Variants in CHKA observed in about 807,000 individuals in gnomAD.
The protein encoded by CHKA is choline kinase alpha, also known as CHETK-alpha.
A neutral mutation model predicts 60.1 loss-of-function variants in CHKA; 34 were observed. The ratio of observed to expected loss-of-function variants is 0.57; its 90% CI spans 0.43 to 0.75. The LOEUF (loss-of-function observed/expected upper bound fraction) is 0.75. Ranked by LOEUF, CHKA falls within the 30% of genes least tolerant of loss-of-function variation. The pLI, the probability that CHKA is intolerant of heterozygous loss-of-function variation, is 0.00. For missense variants in CHKA, 563 were observed against 561.3 expected (o/e 1.00, Z -0.03); for synonymous variants, 217 against 223.1 (o/e 0.97, Z 0.24).
chr11:68,077,064 C>T (rs148819360), intron 3 of CHKA, among the ~76,000 whole-genome samples: 1 of 152,150 alleles, frequency 6.6e-6, no homozygotes, highest in African/African-American at 2.4e-5. Flanking sequence ...AGGGTGAAAC[C>T]CTGTCTCTAC....
intron 1 of CHKA, among the ~76,000 whole-genome samples, chr11:68,097,356 C>T (rs576654576): frequency 2.6e-5 from 4 of 152,120 alleles, no homozygotes; most frequent in African/African-American, 7.2e-5. Context: ...CCGTGTGGGC[C>T]GGGCACGGTG....
At chr11:68,106,232 A>G (rs940474930) in intron 1 of CHKA, among the ~76,000 whole-genome samples, 2 of 152,190 alleles carry the variant, frequency 1.3e-5, no homozygotes, top group African/African-American at 2.4e-5. Flanking sequence ...GAAAACAAGA[A>G]AAGCCAGGAG....
intron 2 of CHKA, among the ~76,000 whole-genome samples, chr11:68,087,010 C>T (rs909294776): frequency 8.6e-5 from 13 of 151,728 alleles, no homozygotes; most frequent in Non-Finnish European, 1.8e-4. Context: ...TCATTTAAAA[C>T]ATCTTTAACA....
intron 10 of CHKA, among the ~76,000 whole-genome samples, chr11:68,063,430 C>A (rs1034259284): frequency 1.6e-4 from 24 of 151,604 alleles, no homozygotes; most frequent in African/African-American, 5.6e-4. Flanking sequence ...GAGTTAGAGG[C>A]TGCAGTGAGC....
chr11:68,105,772 T>C (rs989219560), intron 1 of CHKA, among the ~76,000 whole-genome samples: 8 of 152,214 alleles, frequency 5.3e-5, no homozygotes, highest in South Asian at 4.1e-4. Flanking sequence ...CCTAACCAAC[T>C]ATATTTTGCT....
rs1184278897 is a variant in CHKA, at chr11:68,086,935, G to A, written c.463-5478C>T. ...CGGGAGGCGGAGCTTGCAGTGAGCA[G>A]AGATCGTGCCACTTCACTCCAGCCT... On this transcript the variant is annotated intron_variant, in intron 2 of 11. Transcript: ENST00000265689. 5.3e-5 allele frequency among the ~76,000 whole-genome samples: 8 copies of A among 152,112 alleles called. No homozygotes were observed. The East Asian group carries it at 1.5e-3, about 29-fold the overall frequency.
chr11:68,117,093 C>T (rs914132663), intron 1 of CHKA, among the ~76,000 whole-genome samples: 6 of 152,042 alleles, frequency 3.9e-5, no homozygotes, highest in Admixed American at 1.3e-4. Context: ...CACACACAAA[C>T]GTGTTAAGGG....
chr11:68,061,095 GTTTTTTTTTTTTTTT>G (rs757176198), intron 11 of CHKA, among the ~76,000 whole-genome samples: 4 of 70,840 alleles, frequency 5.6e-5, no homozygotes, highest in East Asian at 4.2e-4. Flanking sequence ...GTCAGTGACA[GTTTTTTTTTTTTTTT>G]TTTTTTTTTT....
At chr11:68,089,764 A>G (rs1347871294) in intron 2 of CHKA, 1 of 152,210 alleles carries the variant, frequency 6.6e-6, no homozygotes, top group Non-Finnish European at 1.5e-5. Context: ...CCAAGAACTA[A>G]AAGAAAGAAA....
At chr11:68,117,751 T>C (rs1858446641) in intron 1 of CHKA, among the ~76,000 whole-genome samples, 1 of 152,172 alleles carries the variant, frequency 6.6e-6, no homozygotes, top group Admixed American at 6.6e-5. Context: ...CAAGTTTGGA[T>C]TTTATTTTCC....
chr11:68,073,416 G>A (rs1856686417), intron 4 of CHKA, among the ~76,000 whole-genome samples: 1 of 152,132 alleles, frequency 6.6e-6, no homozygotes, highest in Non-Finnish European at 1.5e-5. Context: ...CACTTTGGGA[G>A]GCCAAGGCGG....
chr11:68,066,493 G>A lies in CHKA; in HGVS notation c.952C>T (p.Arg318Ter). ...QEGNILLLEG[R>*]ENSEKQKLML... ...AGTTTCTGTTTTTCAGAATTCTCTC[G>A]GCCTTCCAGCAACAAGATATTACCT... The change falls in exon 8 of 12, where the codon CGA becomes TGA. Residue 318 changes from arginine (R) to a stop codon, truncating the protein, a stop_gained. Coordinates refer to ENST00000265689, the MANE Select transcript of CHKA (RefSeq NM_001277.3). LOFTEE classifies it high-confidence loss of function. 3 of 1,613,912 alleles carry A rather than the reference G, an allele frequency of 1.9e-6. No homozygotes were observed. Among genetic ancestry groups the A allele is most frequent in the Non-Finnish European group, 2.5e-6 (3 of 1,179,914 alleles).
At chr11:68,106,905 C>T (rs370391523) in intron 1 of CHKA, among the ~76,000 whole-genome samples, 18 of 152,262 alleles carry the variant, frequency 1.2e-4, no homozygotes, top group Middle Eastern at 3.4e-3. Flanking sequence ...TTAGCAGCAA[C>T]ACTGCCCTCT....
intron 6 of CHKA, 30 bp downstream of exon 6, chr11:68,070,155 ATATT>A: frequency 6.9e-7 from 1 of 1,456,166 alleles, no homozygotes; most frequent in Non-Finnish European, 9.6e-7. Flanking sequence ...GTGACTAAGA[ATATT>A]TAAAGTCAGG....
chr11:68,055,926 T>C, intron 11 of CHKA, among the ~76,000 whole-genome samples: 1 of 151,228 alleles, frequency 6.6e-6, no homozygotes, highest in Admixed American at 6.6e-5. Flanking sequence ...TGGGCTCCTG[T>C]AATCCCAGCT....
At chr11:68,102,805 G>C (rs1857775216) in intron 1 of CHKA, among the ~76,000 whole-genome samples, 2 of 152,128 alleles carry the variant, frequency 1.3e-5, no homozygotes, top group African/African-American at 4.8e-5. Flanking sequence ...CATCAGTTAA[G>C]GGGATAATAT....
intron 4 of CHKA, among the ~76,000 whole-genome samples, chr11:68,072,550 TAAAAAAAA>T (rs10708078): frequency 3.5e-5 from 4 of 112,738 alleles, no homozygotes; most frequent in South Asian, 3.0e-4. Flanking sequence ...GACCCTATCT[TAAAAAAAA>T]AAAAAAAAAA....
At chr11:68,063,022 T>G (rs1364679764) in intron 10 of CHKA, among the ~76,000 whole-genome samples, 2 of 152,176 alleles carry the variant, frequency 1.3e-5, no homozygotes, top group Non-Finnish European at 2.9e-5. Context: ...ACTAAAGAGA[T>G]GGACAAATAG....
chr11:68,095,868 CCT>C (rs1857496268), intron 2 of CHKA, among the ~76,000 whole-genome samples: 1 of 150,706 alleles, frequency 6.6e-6, no homozygotes, highest in Non-Finnish European at 1.5e-5. Flanking sequence ...ATGGTGAAAC[CCT>C]GTCTCTACTA....
Sources: gnomAD v4.1 joint callset for allele counts (sites outside exome capture counted in the v4.1 genomes callset) on GRCh38, gnomAD v4.1.1 for gene constraint, MANE v1.5 for transcripts, NCBI Gene and HGNC (gene_info 2026-07-23, HGNC 2026-07-21) for gene names.